PDZRN4: variants seen among roughly 807,000 people sequenced by gnomAD.
PDZRN4 encodes PDZ domain containing ring finger 4.
Under a neutral mutation model 99.0 loss-of-function variants are expected in PDZRN4, and 70 were observed. That is an observed-to-expected ratio of 0.71 (90% CI 0.58 to 0.86). The LOEUF (loss-of-function observed/expected upper bound fraction) is 0.86. PDZRN4 is among the 40% of genes least tolerant of loss of function. PDZRN4 has a pLI of 0.00. For missense variants in PDZRN4, 1,474 were observed against 1,331.2 expected (o/e 1.11, Z -1.67); for synonymous variants, 551 against 501.6 (o/e 1.10, Z -1.32).
intron 5 of PDZRN4, among the ~76,000 whole-genome samples, chr12:41,512,741 G>C (rs1938328124): frequency 6.6e-6 from 1 of 152,074 alleles, no homozygotes; most frequent in Admixed American, 6.6e-5. Context: ...TGGGGTATTG[G>C]ACCTGGGCGG....
At chr12:41,443,254 AAGGTGCTGCTC>A (rs1446961618) in intron 3 of PDZRN4, among the ~76,000 whole-genome samples, 1 of 152,050 alleles carries the variant, frequency 6.6e-6, no homozygotes, top group African/African-American at 2.4e-5. Context: ...TGGAAATGCA[AAGGTGCTGCTC>A]AGCATGATGG....
At chr12:41,205,109 C>A (rs1262863567) in intron 3 of PDZRN4, among the ~76,000 whole-genome samples, 1 of 151,730 alleles carries the variant, frequency 6.6e-6, no homozygotes, top group East Asian at 1.9e-4. Flanking sequence ...CTACCAGAAC[C>A]ATTTTTTATT....
intron 3 of PDZRN4, among the ~76,000 whole-genome samples, chr12:41,462,621 T>C (rs574888666): frequency 7.9e-5 from 12 of 152,312 alleles, no homozygotes; most frequent in Admixed American, 7.8e-4. Context: ...AAATCTTTTC[T>C]AGCCAACCTC....
At chr12:41,557,804 C>T (rs1939194383) in intron 7 of PDZRN4, among the ~76,000 whole-genome samples, 1 of 152,080 alleles carries the variant, frequency 6.6e-6, no homozygotes, top group Non-Finnish European at 1.5e-5. Context: ...ATAATTTCTC[C>T]TTCAGTGAGC....
intron 3 of PDZRN4, among the ~76,000 whole-genome samples, chr12:41,359,469 G>T (rs1024029665): frequency 3.3e-5 from 5 of 151,954 alleles, no homozygotes; most frequent in Admixed American, 1.3e-4. Context: ...GACATGGTTT[G>T]GTTGTGTCCC....
intron 3 of PDZRN4, among the ~76,000 whole-genome samples, chr12:41,214,252 T>TAAAAAAAAAA (rs60618442): frequency 1.3e-4 from 11 of 84,778 alleles, no homozygotes; most frequent in African/African-American, 4.7e-4. Context: ...ACCCTGTATT[T>TAAAAAAAAAA]AAAAAAAAAA....
intron 5 of PDZRN4, among the ~76,000 whole-genome samples, chr12:41,526,427 C>T (rs528588349): frequency 6.6e-5 from 10 of 152,310 alleles, no homozygotes; most frequent in African/African-American, 2.4e-4. Flanking sequence ...AAGGCTTTAA[C>T]ATAATCCCTT....
intron 7 of PDZRN4, among the ~76,000 whole-genome samples, chr12:41,557,148 C>CAAAAAA (rs112787721): frequency 4.7e-4 from 27 of 58,026 alleles, no homozygotes; most frequent in African/African-American, 6.1e-4. Context: ...GAGACACTCT[C>CAAAAAA]AAAAAAAAAA....
intron 3 of PDZRN4, among the ~76,000 whole-genome samples, chr12:41,397,856 A>T (rs573129063): frequency 1.3e-5 from 2 of 152,248 alleles, no homozygotes; most frequent in African/African-American, 4.8e-5. Flanking sequence ...ACTATATGTT[A>T]TCCTATCCTT....
intron 3 of PDZRN4, among the ~76,000 whole-genome samples, chr12:41,205,792 A>G (rs1379819924): frequency 6.6e-6 from 1 of 151,930 alleles, no homozygotes; most frequent in Non-Finnish European, 1.5e-5. Flanking sequence ...GTGCAACAAA[A>G]GATCAAAAAG....
intron 3 of PDZRN4, among the ~76,000 whole-genome samples, chr12:41,211,255 A>G (rs1950886539): frequency 6.6e-6 from 1 of 152,004 alleles, no homozygotes; most frequent in Non-Finnish European, 1.5e-5. Context: ...TTGAAAGATG[A>G]CTAGATTCTA....
chr12:41,457,682 T>C (rs2125286), intron 3 of PDZRN4, among the ~76,000 whole-genome samples: 78,242 of 151,638 alleles, frequency 0.52, 20,689 homozygotes, highest in African/African-American at 0.65. Context: ...AGAAACATGG[T>C]ATTTGTTTTA....
intron 3 of PDZRN4, among the ~76,000 whole-genome samples, chr12:41,466,492 C>A (rs973219674): frequency 6.6e-6 from 1 of 152,252 alleles, no homozygotes; most frequent in African/African-American, 2.4e-5. Context: ...TGAAAAAGAG[C>A]CCCCTGTGCC....
chr12:41,380,912 T>C (rs979068604), intron 3 of PDZRN4, among the ~76,000 whole-genome samples: 18 of 152,170 alleles, frequency 1.2e-4, no homozygotes, highest in Admixed American at 1.2e-3. Flanking sequence ...GCAATTCTAG[T>C]AGTGAGGAAC....
intron 3 of PDZRN4, among the ~76,000 whole-genome samples, chr12:41,505,134 C>T (rs1414591871): frequency 2.0e-5 from 3 of 152,098 alleles, no homozygotes; most frequent in East Asian, 1.9e-4. Flanking sequence ...TGTGCCCATT[C>T]GAATGTCAGC....
chr12:41,255,576 T>C (rs1951199263), intron 3 of PDZRN4, among the ~76,000 whole-genome samples: 1 of 152,170 alleles, frequency 6.6e-6, no homozygotes. Context: ...CTGTTTTTAT[T>C]ACATTTTAAC....
intron 3 of PDZRN4, among the ~76,000 whole-genome samples, chr12:41,477,381 G>A (rs1937613071): frequency 6.6e-6 from 1 of 152,130 alleles, no homozygotes; most frequent in Admixed American, 6.6e-5. Context: ...AAATGAACAG[G>A]CTCTCACACA....
intron 5 of PDZRN4, among the ~76,000 whole-genome samples, chr12:41,543,992 C>A (rs1223460532): frequency 3.9e-5 from 6 of 151,924 alleles, no homozygotes; most frequent in African/African-American, 1.2e-4. Flanking sequence ...GTCATATTTC[C>A]AAAAAAACCA....
At chr12:41,556,095 G>T (rs1384423259) in intron 7 of PDZRN4, among the ~76,000 whole-genome samples, 1 of 152,134 alleles carries the variant, frequency 6.6e-6, no homozygotes, top group East Asian at 1.9e-4. Context: ...ATAACCTATT[G>T]TTGTTGTGAA....
Sources: gnomAD v4.1 joint callset for allele counts (sites outside exome capture counted in the v4.1 genomes callset) on GRCh38, gnomAD v4.1.1 for gene constraint, MANE v1.5 for transcripts, NCBI Gene and HGNC (gene_info 2026-07-23, HGNC 2026-07-21) for gene names.